TRAF3: variants seen among roughly 807,000 people sequenced by gnomAD.
TRAF3 encodes TNF receptor associated factor 3, also known as TNF receptor-associated factor 3.
Under a neutral mutation model 62.3 loss-of-function variants are expected in TRAF3, and 13 were observed. The observed-to-expected ratio is 0.21, with a 90% CI of 0.14 to 0.33. The LOEUF (loss-of-function observed/expected upper bound fraction) is 0.33, where lower values mean the gene tolerates loss of function less well. TRAF3 is among the 10% of genes least tolerant of loss of function. TRAF3 has a pLI of 1.00. For synonymous variants in TRAF3, 269 were observed against 283.4 expected (o/e 0.95, Z 0.51); for missense variants, 440 against 741.8 (o/e 0.59, Z 4.73).
At position 102,791,525 on chromosome 14, in the gene TRAF3, T is replaced by A. The variant is rs201454860; in HGVS notation, c.-157+13850T>A. Among the ~76,000 whole-genome samples, 5 of 152,334 alleles carry A rather than the reference T, an allele frequency of 3.3e-5. No homozygotes were observed. The East Asian group carries it at 9.6e-4, about 29-fold the overall frequency. ...GGTATATAGAAACAACTGATTTTTGTATGTTGGTCTTATGCCCTACAACCT... is the reference window on the plus strand; with the variant it reads ...GGTATATAGAAACAACTGATTTTTGAATGTTGGTCTTATGCCCTACAACCT... On this transcript the variant is annotated intron_variant, in intron 1 of 11. Coordinates refer to ENST00000392745, the MANE Select transcript of TRAF3 (RefSeq NM_145725.3).
At chr14:102,870,586 G>A in intron 3 of TRAF3, 140 bp downstream of exon 3, 2 of 1,230,386 alleles carry the variant, frequency 1.6e-6, no homozygotes, top group South Asian at 1.4e-5. Context: ...GGCCCAGCTT[G>A]TGAATCCTTT....
At chr14:102,811,913 CT>C (rs71119743) in intron 1 of TRAF3, among the ~76,000 whole-genome samples, 176 of 47,026 alleles carry the variant, frequency 3.7e-3, no homozygotes, top group African/African-American at 0.013. Flanking sequence ...ATGCCTGGCC[CT>C]TTTTTTTTTT....
rs1890578095 is a variant in TRAF3, at chr14:102,906,200, T to G, written c.*416T>G. 1 of 168,512 alleles carries G rather than the reference T, an allele frequency of 5.9e-6. No homozygotes were observed. Among genetic ancestry groups the G allele is most frequent in the Non-Finnish European group, 1.3e-5 (1 of 76,804 alleles). 10.4% of individuals were successfully genotyped at this position (168,512 alleles called of 1,614,324 possible). On this transcript the variant is annotated 3_prime_UTR_variant, in exon 12 of 12. Coordinates refer to ENST00000392745, the MANE Select transcript of TRAF3 (RefSeq NM_145725.3). ...GCATGTTAAGTAAAAGGAGAATTTA[T>G]GAAATAGTAATGCAATTCTGATATC...
chr14:102,872,493 CT>C (rs984871540), intron 4 of TRAF3, among the ~76,000 whole-genome samples: 2 of 152,196 alleles, frequency 1.3e-5, no homozygotes, highest in Non-Finnish European at 2.9e-5. Context: ...TTCTCGCCCC[CT>C]GTGGCTGTCC....
intron 2 of TRAF3, among the ~76,000 whole-genome samples, chr14:102,860,540 C>T (rs764000790): frequency 5.3e-5 from 8 of 152,192 alleles, no homozygotes; most frequent in African/African-American, 1.4e-4. Context: ...ACTTTAGCCA[C>T]GCCAAACTGC....
chr14:102,861,936 C>T (rs1887701858), intron 2 of TRAF3, among the ~76,000 whole-genome samples: 1 of 152,134 alleles, frequency 6.6e-6, no homozygotes, highest in Non-Finnish European at 1.5e-5. Flanking sequence ...TATATATATC[C>T]TGGATGCTAA....
chr14:102,796,139 C>T (rs931085765), intron 1 of TRAF3, among the ~76,000 whole-genome samples: 2 of 152,228 alleles, frequency 1.3e-5, no homozygotes, highest in African/African-American at 4.8e-5. Context: ...ATTGCTTGAA[C>T]CCGGGAGGTG....
At chr14:102,842,805 A>G (rs1283067138) in intron 2 of TRAF3, among the ~76,000 whole-genome samples, 1 of 152,236 alleles carries the variant, frequency 6.6e-6, no homozygotes, top group African/African-American at 2.4e-5. Flanking sequence ...CCAGAAGACA[A>G]CAGAGCAACA....
chr14:102,782,423 G>A (rs1278435187), intron 1 of TRAF3, among the ~76,000 whole-genome samples: 3 of 151,658 alleles, frequency 2.0e-5, no homozygotes, highest in Admixed American at 6.6e-5. Flanking sequence ...AGTAGAGAGC[G>A]GGTTTCACCC....
chr14:102,887,352 A>G (rs1345848243), intron 7 of TRAF3, among the ~76,000 whole-genome samples: 3 of 152,174 alleles, frequency 2.0e-5, no homozygotes, highest in African/African-American at 7.2e-5. Flanking sequence ...ACTGAGCAAG[A>G]GGGCCCATGT....
intron 1 of TRAF3, among the ~76,000 whole-genome samples, chr14:102,814,447 TA>T (rs1899390877): frequency 6.6e-6 from 1 of 152,216 alleles, no homozygotes; most frequent in South Asian, 2.1e-4. Flanking sequence ...ATACAAATTT[TA>T]GGATATTTTT....
At chr14:102,784,930 G>A (rs542303973) in intron 1 of TRAF3, among the ~76,000 whole-genome samples, 5 of 152,280 alleles carry the variant, frequency 3.3e-5, no homozygotes, top group Admixed American at 3.3e-4. Flanking sequence ...CTTCAGGGGA[G>A]AGGGTACAGG....
intron 10 of TRAF3, among the ~76,000 whole-genome samples, chr14:102,901,196 G>A (rs1016620966): frequency 2.6e-5 from 4 of 152,134 alleles, no homozygotes; most frequent in East Asian, 1.9e-4. Flanking sequence ...GAGACTCCCC[G>A]TTCTGTGCTT....
intron 1 of TRAF3, among the ~76,000 whole-genome samples, chr14:102,782,561 T>C (rs987568204): frequency 1.3e-5 from 2 of 152,278 alleles, no homozygotes; most frequent in African/African-American, 4.8e-5. Flanking sequence ...AAAAGTCCTT[T>C]CCCCAACCTA....
At chr14:102,872,852 C>T (rs1428924309) in intron 4 of TRAF3, among the ~76,000 whole-genome samples, 1 of 151,986 alleles carries the variant, frequency 6.6e-6, no homozygotes, top group African/African-American at 2.4e-5. Context: ...CCACCACGCC[C>T]AGCTAATTTT....
At chr14:102,867,894 G>A (rs146745052) in intron 2 of TRAF3, among the ~76,000 whole-genome samples, 118 of 152,318 alleles carry the variant, frequency 7.7e-4, no homozygotes, top group African/African-American at 2.6e-3. Flanking sequence ...TAACCCAAGT[G>A]TGGCTAGAAC....
At chr14:102,858,740 A>C (rs1052119133) in intron 2 of TRAF3, among the ~76,000 whole-genome samples, 5 of 152,242 alleles carry the variant, frequency 3.3e-5, no homozygotes, top group Non-Finnish European at 5.9e-5. Flanking sequence ...ACTTTGGAAC[A>C]CATACCAATA....
intron 4 of TRAF3, among the ~76,000 whole-genome samples, chr14:102,874,725 A>G (rs530309298): frequency 1.2e-3 from 176 of 151,050 alleles, no homozygotes; most frequent in Admixed American, 1.8e-3. Flanking sequence ...ATCATGGCTC[A>G]CTGCATCCTC....
intron 1 of TRAF3, among the ~76,000 whole-genome samples, chr14:102,781,610 CTAAAATAAATTTATTTATT>C (rs1263284403): frequency 6.6e-6 from 1 of 152,026 alleles, no homozygotes; most frequent in Non-Finnish European, 1.5e-5. Context: ...ATCCCTGGCT[CTAAAATAAATTTATTTATT>C]TATTTTATTT....
Sources: gnomAD v4.1 joint callset for allele counts (sites outside exome capture counted in the v4.1 genomes callset) on GRCh38, gnomAD v4.1.1 for gene constraint, MANE v1.5 for transcripts, NCBI Gene and HGNC (gene_info 2026-07-23, HGNC 2026-07-21) for gene names.